SLC1A7: variants seen among roughly 807,000 people sequenced by gnomAD.
SLC1A7 encodes excitatory amino acid transporter 5.
SLC1A7 carries 40 observed loss-of-function variants against 47.7 expected under a neutral mutation model. The ratio of observed to expected loss-of-function variants is 0.84; its 90% CI spans 0.65 to 1.09. The LOEUF (loss-of-function observed/expected upper bound fraction) is 1.09, where lower values mean the gene tolerates loss of function less well. Ranked by LOEUF, SLC1A7 falls within the 50% of genes least tolerant of loss-of-function variation. The probability of loss-of-function intolerance (pLI) is 0.00; values close to 1 mark genes in which losing one functional copy is unlikely to be tolerated. For missense variants in SLC1A7, 746 were observed against 769.5 expected (o/e 0.97, Z 0.36); for synonymous variants, 323 against 325.6 (o/e 0.99, Z 0.09).
At chr1:53,108,395 C>T (rs769029037) in intron 3 of SLC1A7, 7 of 595,944 alleles carry the variant, frequency 1.2e-5, no homozygotes, top group Non-Finnish European at 2.1e-5. Flanking sequence ...TAAATGTGGG[C>T]CTTGGCAGGG....
At chr1:53,103,045 T>A (rs150843791) in intron 5 of SLC1A7, 7 of 300,392 alleles carry the variant, frequency 2.3e-5, no homozygotes, top group Non-Finnish European at 4.3e-5. Context: ...GGGGCTTGCA[T>A]AGGTGAGGGG....
At chr1:53,107,164 A>AAG (rs1408349010) in intron 3 of SLC1A7, among the ~76,000 whole-genome samples, 4 of 150,604 alleles carry the variant, frequency 2.7e-5, no homozygotes, top group Non-Finnish European at 5.9e-5. Context: ...AAAAAAAAAA[A>AAG]AAAAAAAAAA....
intron 5 of SLC1A7, among the ~76,000 whole-genome samples, chr1:53,097,817 C>T (rs142169930): frequency 1.9e-3 from 284 of 148,334 alleles, no homozygotes; most frequent in Middle Eastern, 0.015. Context: ...TCACACACTC[C>T]GCCTCAGTAC....
intron 5 of SLC1A7, among the ~76,000 whole-genome samples, chr1:53,096,571 C>A (rs780439783): frequency 1.3e-5 from 2 of 151,230 alleles, no homozygotes; most frequent in Non-Finnish European, 3.0e-5. Flanking sequence ...CACTCACACA[C>A]TCCACTTCGA....
intron 2 of SLC1A7, among the ~76,000 whole-genome samples, chr1:53,120,098 G>A (rs1231684759): frequency 6.6e-6 from 1 of 152,182 alleles, no homozygotes; most frequent in Non-Finnish European, 1.5e-5. Context: ...AGAGGCAGTG[G>A]GAAGGCCCAG....
At chr1:53,127,594 G>A (rs1473927934) in intron 2 of SLC1A7, among the ~76,000 whole-genome samples, 2 of 152,206 alleles carry the variant, frequency 1.3e-5, no homozygotes, top group Admixed American at 1.3e-4. Context: ...TGACTTCTAT[G>A]AGAACACAAC....
intron 5 of SLC1A7, among the ~76,000 whole-genome samples, chr1:53,094,858 G>A (rs530781287): frequency 4.1e-4 from 63 of 152,332 alleles, no homozygotes; most frequent in South Asian, 8.3e-4. Flanking sequence ...AGTGTGGCAC[G>A]GGGGCTCCCT....
chr1:53,092,788 C>T lies in SLC1A7; in HGVS notation c.798-1G>A, dbSNP rs775816118. Reference sequence around the variant, plus strand: ...GAACACAATGCCGAAGGGGAAATACCTGGGGGCGGCGGGGCAGCCAGGCTC... The same window carrying T: ...GAACACAATGCCGAAGGGGAAATACTTGGGGGCGGCGGGGCAGCCAGGCTC... On this transcript the variant is annotated splice_acceptor_variant, in intron 6 of 10. Transcript: ENST00000371494. LOFTEE classifies it high-confidence loss of function. 1 of 1,604,536 alleles carries T rather than the reference C, an allele frequency of 6.2e-7. No individual in the cohort carries two copies.
intron 3 of SLC1A7, among the ~76,000 whole-genome samples, chr1:53,109,233 G>A (rs1417055908): frequency 6.6e-6 from 1 of 151,906 alleles, no homozygotes; most frequent in East Asian, 1.9e-4. Context: ...CTAAAGGTGG[G>A]AATTGTTCCT....
chr1:53,098,697 T>G (rs1572305957), intron 5 of SLC1A7, among the ~76,000 whole-genome samples: 1 of 147,444 alleles, frequency 6.8e-6, no homozygotes, highest in East Asian at 2.1e-4. Context: ...CTCAGTACAC[T>G]CACATAACTG....
At position 53,105,773 on chromosome 1, in the gene SLC1A7, T is replaced by G; in HGVS notation, c.433A>C (p.Asn145His). ...SADALLDLIR[N>H]MFPANLVEAT... ...TCTACTAGGTTGGCTGGGAACATGT[T>G]CCTAGGAAGAGAATCAGCAATTGAA... The change falls in exon 4 of 11, where the codon AAC becomes CAC. Residue 145 changes from asparagine to histidine, a missense_variant and splice_region_variant. Physicochemically the swap from Asn to His is moderately conservative, Grantham distance 68 (BLOSUM62 1). Coordinates refer to ENST00000371494, the MANE Select transcript of SLC1A7 (RefSeq NM_006671.6). 10 of 1,613,080 alleles carry G rather than the reference T, an allele frequency of 6.2e-6. No homozygotes were observed. Among genetic ancestry groups the G allele is most frequent in the Non-Finnish European group, 8.5e-6 (10 of 1,179,414 alleles).
chr1:53,107,321 A>G (rs1318227227), intron 3 of SLC1A7, among the ~76,000 whole-genome samples: 4 of 152,214 alleles, frequency 2.6e-5, no homozygotes, highest in African/African-American at 9.6e-5. Context: ...CCTAAGCGCA[A>G]CATAGCATCC....
chr1:53,121,782 A>T (rs1420377581), intron 2 of SLC1A7, among the ~76,000 whole-genome samples: 2 of 151,852 alleles, frequency 1.3e-5, no homozygotes, highest in Non-Finnish European at 2.9e-5. Context: ...ACACGTGGGG[A>T]GGGGACTTTG....
At chr1:53,116,167 A>C (rs1644758415) in intron 2 of SLC1A7, 1 of 152,266 alleles carries the variant, frequency 6.6e-6, no homozygotes, top group Admixed American at 6.5e-5. Flanking sequence ...CCCCTCCCCC[A>C]GCGGGAGCCA....
intron 2 of SLC1A7, among the ~76,000 whole-genome samples, chr1:53,125,872 A>C (rs912594889): frequency 6.6e-6 from 1 of 152,144 alleles, no homozygotes; most frequent in Non-Finnish European, 1.5e-5. Flanking sequence ...CACTGAATGA[A>C]ATAAGCTGAC....
rs148636668 is a variant in SLC1A7 at position 53,092,531 on chromosome 1, G to T, written c.1031+23C>A. On this transcript the variant is annotated intron_variant, in intron 7 of 10. Coordinates refer to ENST00000371494, the MANE Select transcript of SLC1A7 (RefSeq NM_006671.6). ...GCTCAGCCCCTCCCAGCTCCCCACC[G>T]TCCTGCCCGTCCCCGGGGCTACCTG... The T allele has an allele frequency of 4.6e-4, 726 of 1,561,806 alleles. 3 individuals are homozygous for T. The African/African-American group carries it at 8.6e-3, about 18-fold the overall frequency.
chr1:53,133,610 T>C (rs1477731055), intron 2 of SLC1A7, among the ~76,000 whole-genome samples: 1 of 152,136 alleles, frequency 6.6e-6, no homozygotes, highest in African/African-American at 2.4e-5. Flanking sequence ...CAGCCACTCA[T>C]TATACATCTG....
intron 7 of SLC1A7, among the ~76,000 whole-genome samples, chr1:53,091,193 A>C (rs554366581): frequency 6.2e-4 from 95 of 152,368 alleles, no homozygotes; most frequent in Non-Finnish European, 3.1e-4. Flanking sequence ...TGTCCCAAAA[A>C]GACCTGGGTC....
intron 3 of SLC1A7, among the ~76,000 whole-genome samples, chr1:53,114,197 C>T (rs758832209): frequency 3.3e-5 from 5 of 152,266 alleles, no homozygotes; most frequent in East Asian, 3.9e-4. Context: ...GTGGCTGTGC[C>T]GCTGGGTCTG....
Sources: gnomAD v4.1 joint callset for allele counts (sites outside exome capture counted in the v4.1 genomes callset) on GRCh38, gnomAD v4.1.1 for gene constraint, MANE v1.5 for transcripts, NCBI Gene and HGNC (gene_info 2026-07-23, HGNC 2026-07-21) for gene names.